The following PALM variants were observed in gnomAD, a reference collection of about 807,000 sequenced individuals.
PALM encodes paralemmin-1.
Under a neutral mutation model 30.7 loss-of-function variants are expected in PALM, and 18 were observed. The observed-to-expected ratio is 0.59, with a 90% CI of 0.41 to 0.87. PALM has a LOEUF of 0.87. PALM is among the 40% of genes least tolerant of loss of function. The pLI is 0.00. For synonymous variants in PALM, 286 were observed against 242.8 expected (o/e 1.18, Z -1.66); for missense variants, 529 against 555.4 (o/e 0.95, Z 0.48).
chr19:710,605 C>G (rs1010047290), intron 1 of PALM, among the ~76,000 whole-genome samples: 1 of 152,042 alleles, frequency 6.6e-6, no homozygotes. Context: ...TTCCTGCCAC[C>G]CCTTCCTTTC....
intron 1 of PALM, among the ~76,000 whole-genome samples, chr19:724,358 G>C (rs555684485): frequency 1.3e-5 from 2 of 152,116 alleles, no homozygotes; most frequent in South Asian, 4.1e-4. Flanking sequence ...GTCTTGCTCT[G>C]TTGCCCAGGC....
chr19:730,870 G>A (rs1466627655), intron 4 of PALM, among the ~76,000 whole-genome samples: 2 of 152,016 alleles, frequency 1.3e-5, no homozygotes, highest in South Asian at 2.1e-4. Context: ...GTGTGGTGGT[G>A]CACGCCTGTA....
chr19:712,573 CAG>C (rs1265314655), intron 1 of PALM, among the ~76,000 whole-genome samples: 1 of 150,182 alleles, frequency 6.7e-6, no homozygotes, highest in African/African-American at 2.5e-5. Flanking sequence ...TTGGTAGAGA[CAG>C]GGTTTCACAG....
In PALM at chr19:726,995, G is replaced by GCCCA; in HGVS notation, c.58-10_58-9insACCC. 1.3e-6 allele frequency: 1 copy of GCCCA among 753,614 alleles called. No individual in the cohort carries two copies. The highest frequency in any genetic ancestry group is 2.1e-6 in the Non-Finnish European group (1 of 479,440). The allele number at this position is 753,614 out of a possible 1,614,324, so 46.7% of individuals were successfully genotyped here. A position where few individuals can be genotyped will look rare whatever the true frequency, so the allele number is the denominator to read the frequency against. On this transcript the variant is annotated splice_polypyrimidine_tract_variant and intron_variant, in intron 2 of 8. Coordinates refer to ENST00000338448, the MANE Select transcript of PALM (RefSeq NM_002579.3). ...CCACGCCCATCCCTGACCCCACCCGGCCCTCCCCACAGGAGAAGCGGAAGC... is the reference window on the plus strand; with the variant it reads ...CCACGCCCATCCCTGACCCCACCCGGCCCACCCTCCCCACAGGAGAAGCGGAAGC...
rs772950571 is a variant in PALM, at chr19:742,715, T to C, written c.634+2232T>C. On this transcript the variant is annotated intron_variant, in intron 8 of 8. Coordinates refer to ENST00000338448, the MANE Select transcript of PALM (RefSeq NM_002579.3). This position sits in a 1 kb window ranked among gnomAD's most constrained non-coding sequence, Gnocchi z 5.5. ...TGACGTCCCCAAGGTGCATCGGCAC[T>C]GTGGCCTGGGTCGGAGCCTGACTCC... Among the ~76,000 whole-genome samples the C allele has an allele frequency of 3.3e-5, 5 of 152,172 alleles. No individual in the cohort carries two copies.
intron 5 of PALM, among the ~76,000 whole-genome samples, chr19:732,194 T>A (rs2032898152): frequency 6.6e-6 from 1 of 152,208 alleles, no homozygotes; most frequent in Non-Finnish European, 1.5e-5. Context: ...GCTGGGGTTT[T>A]CATGGTTTCT....
At chr19:723,518 G>T (rs190276315) in intron 1 of PALM, among the ~76,000 whole-genome samples, 267 of 152,260 alleles carry the variant, frequency 1.8e-3, no homozygotes, top group African/African-American at 6.1e-3. Context: ...GAAGCCTGAG[G>T]GTCGCTGGGA....
chr19:722,608 G>C (rs2032528414), intron 1 of PALM: 1 of 152,386 alleles, frequency 6.6e-6, no homozygotes, highest in Non-Finnish European at 1.5e-5. Flanking sequence ...GGAGTTGGCA[G>C]GGAACACTAG....
chr19:719,637 C>T (rs2032390741), intron 1 of PALM: 3 of 985,872 alleles, frequency 3.0e-6, no homozygotes, highest in Non-Finnish European at 3.6e-6. Context: ...TTGCCCGGGA[C>T]TCAGCTCCTC....
Position 709,889 on chromosome 19 carries a change from C to G in PALM, c.5+738C>G, listed in dbSNP as rs2032013785. Among the ~76,000 whole-genome samples, 3 of 149,704 alleles carry G rather than the reference C, an allele frequency of 2.0e-5. No individual in the cohort carries two copies. Among genetic ancestry groups the G allele is most frequent in the Admixed American group, 2.0e-4 (3 of 15,108 alleles). On this transcript the variant is annotated intron_variant, in intron 1 of 8. Transcript: ENST00000338448. The surrounding 1 kb of genome is among the most constrained non-coding windows in gnomAD (Gnocchi z 4.3). ...CCCTGGGCTGGGATCCCTGGACCCC[C>G]GCATGGCTGCGCCTGTGTGTGTGGG...
chr19:723,559 G>A (rs2032564259), intron 1 of PALM, among the ~76,000 whole-genome samples: 1 of 152,048 alleles, frequency 6.6e-6, no homozygotes, highest in Non-Finnish European at 1.5e-5. Flanking sequence ...CCCAGTCTAG[G>A]GCTCGGTGCT....
intron 1 of PALM, among the ~76,000 whole-genome samples, chr19:715,161 G>C (rs905877936): frequency 6.6e-6 from 1 of 152,114 alleles, no homozygotes; most frequent in African/African-American, 2.4e-5. Flanking sequence ...CCAGCTACTC[G>C]GGAGGCTGAG....
intron 5 of PALM, among the ~76,000 whole-genome samples, chr19:732,928 G>A (rs1472133310): frequency 1.3e-5 from 2 of 150,618 alleles, no homozygotes; most frequent in Non-Finnish European, 2.9e-5. Context: ...GACGTGGGGT[G>A]GTTTTTTTGT....
At chr19:718,568 A>G (rs2032345995) in intron 1 of PALM, among the ~76,000 whole-genome samples, 1 of 152,020 alleles carries the variant, frequency 6.6e-6, no homozygotes, top group African/African-American at 2.4e-5. Context: ...TTAATAGGCA[A>G]CAGGTTTGCT....
chr19:740,428 G>C lies in PALM; in HGVS notation c.579G>C (p.Leu193=), dbSNP rs1360806634. The change falls in exon 8 of 9, where the codon CTG becomes CTC. Residue 193 remains leucine (L), a synonymous_variant. Coordinates refer to ENST00000338448, the MANE Select transcript of PALM (RefSeq NM_002579.3). The part of the protein sequence containing the change: ...GETRVLSSTT[L]LPRQPLPLGI... Reference sequence around the variant, plus strand: ...CCAGGGTGCTGTCCAGCACCACGCTGCTCCCTCGGCAGCCGCTCCCTCTGG... The same window carrying C: ...CCAGGGTGCTGTCCAGCACCACGCTCCTCCCTCGGCAGCCGCTCCCTCTGG... The C allele has an allele frequency of 6.4e-7, 1 of 1,553,506 alleles. No homozygotes were observed. Among genetic ancestry groups the C allele is most frequent in the South Asian group, 1.2e-5 (1 of 84,202 alleles).
intron 1 of PALM, among the ~76,000 whole-genome samples, chr19:721,987 C>T (rs574008226): frequency 4.0e-4 from 61 of 152,202 alleles, no homozygotes; most frequent in African/African-American, 1.3e-3. Flanking sequence ...GGCGCAATCT[C>T]GGCTCACTGC....
At chr19:712,732 G>A (rs1383032587) in intron 1 of PALM, among the ~76,000 whole-genome samples, 1 of 150,146 alleles carries the variant, frequency 6.7e-6, no homozygotes, top group Non-Finnish European at 1.5e-5. Context: ...CTGGAGTGCA[G>A]TGGCGCGATC....
At chr19:720,301 C>T (rs913152130) in intron 1 of PALM, among the ~76,000 whole-genome samples, 64 of 148,766 alleles carry the variant, frequency 4.3e-4, no homozygotes, top group Admixed American at 2.6e-3. Context: ...ACCGGGGCGG[C>T]GGCGCCCGGG....
In PALM at chr19:732,008, T is replaced by A. The variant is rs540170127; in HGVS notation, c.420+763T>A. On this transcript the variant is annotated intron_variant, in intron 5 of 8. Coordinates refer to ENST00000338448, the MANE Select transcript of PALM (RefSeq NM_002579.3). ...TTGTTTTTGACACAGGGTCTCACTC[T>A]GTCACCCAGGCCAGCCAGAGTGCAG... Among the ~76,000 whole-genome samples, 3 of 152,186 alleles carry A rather than the reference T, an allele frequency of 2.0e-5. No individual in the cohort carries two copies. The East Asian group carries it at 5.8e-4, about 29-fold the overall frequency.
Sources: allele counts gnomAD v4.1 joint callset (sites outside exome capture counted in the v4.1 genomes callset), GRCh38; gene constraint gnomAD v4.1.1; non-coding constraint Gnocchi (gnomAD v3.1); transcripts MANE v1.5; gene names NCBI Gene and HGNC (gene_info 2026-07-23, HGNC 2026-07-21).